Variants in RAD9B observed in about 807,000 individuals in gnomAD.
RAD9B encodes the protein cell cycle checkpoint control protein RAD9B.
In RAD9B, 41 loss-of-function variants were observed where a neutral mutation model predicts 48.3. The observed-to-expected ratio is 0.85, with a 90% confidence interval of 0.66 to 1.10. The LOEUF (loss-of-function observed/expected upper bound fraction) is 1.10. Ranked by LOEUF, RAD9B falls within the 50% of genes least tolerant of loss-of-function variation. The pLI is 0.00. For synonymous variants in RAD9B, 160 were observed against 157.9 expected, an observed-to-expected ratio of 1.01 and a Z score of -0.10; for missense variants, 444 against 485.1, an observed-to-expected ratio of 0.92 and a Z score of 0.80.
chr12:110,519,004 A>T, intron 8 of RAD9B, 66 bp downstream of exon 8: 1 of 1,103,740 alleles, frequency 9.1e-7, no homozygotes. Flanking sequence ...AACCTTTTGG[A>T]TCACTTTGAA....
chr12:110,505,423 G>C (rs1308113130), intron 2 of RAD9B, among the ~76,000 whole-genome samples, 194 bp from the exon 3 acceptor site: 1 of 152,026 alleles, frequency 6.6e-6, no homozygotes, highest in Non-Finnish European at 1.5e-5. Flanking sequence ...ATTATGTAAA[G>C]AAAGTTTATT....
intron 8 of RAD9B, among the ~76,000 whole-genome samples, chr12:110,519,352 C>G (rs1005986889): frequency 1.3e-5 from 2 of 152,154 alleles, no homozygotes; most frequent in African/African-American, 2.4e-5. Flanking sequence ...GATCCACCAG[C>G]CTCGGCCTCC....
At chr12:110,521,450 G>A (rs547967571) in intron 9 of RAD9B, among the ~76,000 whole-genome samples, 8 of 152,198 alleles carry the variant, frequency 5.3e-5, no homozygotes, top group East Asian at 1.9e-4. Flanking sequence ...CACTGCACCC[G>A]GCCTATCCTT....
Position 110,522,396 on chromosome 12 carries a change from T to C in RAD9B, c.1110T>C (p.Ser370=). 1 of 1,608,538 alleles carries C rather than the reference T, an allele frequency of 6.2e-7. No homozygotes were observed. The highest frequency in any genetic ancestry group is 8.5e-7 in the Non-Finnish European group (1 of 1,176,986). ...SVSNTEEVPG[S]LCLRKFSCMF... Reference sequence around the variant, plus strand: ...GCAACACAGAGGAAGTGCCAGGGTCTCTGTGTCTCAGAAAGGTAAAAGCAT... The same window carrying C: ...GCAACACAGAGGAAGTGCCAGGGTCCCTGTGTCTCAGAAAGGTAAAAGCAT... The change falls in exon 10 of 11, where the codon TCT becomes TCC. Residue 370 remains serine (S), a synonymous_variant. Coordinates refer to ENST00000409300, the MANE Select transcript of RAD9B (RefSeq NM_001286535.2).
chr12:110,521,949 T>C (rs1218030092), intron 9 of RAD9B, among the ~76,000 whole-genome samples: 1 of 152,156 alleles, frequency 6.6e-6, no homozygotes, highest in African/African-American at 2.4e-5. Context: ...TGTTACCATA[T>C]CACAAGATAT....
At chr12:110,513,963 AGTG>A in intron 5 of RAD9B, among the ~76,000 whole-genome samples, 1 of 151,916 alleles carries the variant, frequency 6.6e-6, no homozygotes, top group South Asian at 2.1e-4. Context: ...TCTGAGTTCA[AGTG>A]ATCCATCTGC....
chr12:110,520,627 T>G (rs1342982512), intron 9 of RAD9B, among the ~76,000 whole-genome samples: 6 of 84,690 alleles, frequency 7.1e-5, no homozygotes, highest in South Asian at 1.2e-3. Flanking sequence ...TTTCTTGCTT[T>G]CTTTTTTTTT....
intron 4 of RAD9B, among the ~76,000 whole-genome samples, chr12:110,509,920 C>A (rs1336752611): frequency 6.6e-6 from 1 of 152,094 alleles, no homozygotes; most frequent in African/African-American, 2.4e-5. Flanking sequence ...TGCATTTTGT[C>A]CCATGTGCAT....
chr12:110,521,183 G>T lies in RAD9B; in HGVS notation c.891-994G>T, dbSNP rs2063773837. Reference sequence around the variant, plus strand: ...TTTTAAAAAAATTTTTTGAGACAGGGTCTCACTCTGTCACCCAGGCTGGAG... The same window carrying T: ...TTTTAAAAAAATTTTTTGAGACAGGTTCTCACTCTGTCACCCAGGCTGGAG... On this transcript the variant is annotated intron_variant, in intron 9 of 10. Coordinates refer to ENST00000409300, the MANE Select transcript of RAD9B (RefSeq NM_001286535.2). 2.6e-5 allele frequency among the ~76,000 whole-genome samples: 4 copies of T among 151,704 alleles called. No individual in the cohort carries two copies. The South Asian group carries it at 8.3e-4, about 32-fold the overall frequency.
chr12:110,520,628 C>CTTTTTTTTTTT (rs71083129), intron 9 of RAD9B, among the ~76,000 whole-genome samples: 316 of 99,840 alleles, frequency 3.2e-3, no homozygotes, highest in African/African-American at 4.0e-3. Context: ...TTCTTGCTTT[C>CTTTTTTTTTTT]TTTTTTTTTT....
chr12:110,529,321 T>C lies in RAD9B; in HGVS notation c.1126-1204T>C, dbSNP rs529744123. On this transcript the variant is annotated intron_variant, in intron 10 of 10. Transcript: ENST00000409300. The stretch of plus-strand genomic sequence containing the variant: ...ACCATGCCCAGCTAATTTTTTGTAT[T>C]TTTAGTAGAGACGGGGTTTCACTAT... 2.0e-5 allele frequency among the ~76,000 whole-genome samples: 3 copies of C among 150,936 alleles called. No homozygotes were observed. In the East Asian group the frequency reaches 6.0e-4, roughly 30 times the overall value.
At chr12:110,518,848 G>A (rs571541046) in intron 7 of RAD9B, 26 bp from the exon 8 acceptor site, 2 of 1,580,536 alleles carry the variant, frequency 1.3e-6, no homozygotes, top group Non-Finnish European at 1.7e-6. Context: ...AGGATTTTAA[G>A]TTTTTTTCTT....
rs770160466 is a variant in RAD9B at position 110,519,682 on chromosome 12, C to T, written c.768-112C>T. ...AACTCGCAACCTCAGATGATCCACC[C>T]GCCTTGGCCTCCCCTGTTTCTTTTT... On this transcript the variant is annotated intron_variant, in intron 8 of 10. Transcript: ENST00000409300. 9.8e-5 allele frequency: 117 copies of T among 1,195,062 alleles called. 1 individual carries two copies. The South Asian group carries it at 1.4e-3, about 14-fold the overall frequency. 74.0% of individuals were successfully genotyped at this position (1,195,062 alleles called of 1,614,324 possible).
In RAD9B at chr12:110,531,003, G is replaced by A. The variant is rs2064121581; in HGVS notation, c.*350G>A. ...AAACTTTATTCAACAGCCATTTAGA[G>A]TGCCATCAAGATGGCTTGAAATGGA... On this transcript the variant is annotated 3_prime_UTR_variant, in exon 11 of 11. Coordinates refer to ENST00000409300, the MANE Select transcript of RAD9B (RefSeq NM_001286535.2). The A allele has an allele frequency of 6.9e-6, 7 of 1,014,260 alleles. No individual in the cohort carries two copies. The highest frequency in any genetic ancestry group is 4.9e-4 in the Middle Eastern group (1 of 2,054). 62.8% of individuals were successfully genotyped at this position (1,014,260 alleles called of 1,614,324 possible). A position where few individuals can be genotyped will look rare whatever the true frequency, so the allele number is the denominator to read the frequency against.
chr12:110,516,068 CAT>C (rs1376156561), intron 6 of RAD9B, among the ~76,000 whole-genome samples: 1 of 151,918 alleles, frequency 6.6e-6, no homozygotes, highest in Non-Finnish European at 1.5e-5. Flanking sequence ...CTTTACAAAA[CAT>C]AAGAAAAATA....
chr12:110,529,524 G>T (rs1349550370), intron 10 of RAD9B, among the ~76,000 whole-genome samples: 1 of 152,124 alleles, frequency 6.6e-6, no homozygotes. Flanking sequence ...GTGAAGGCAG[G>T]AGGATTGCTT....
chr12:110,504,250 C>G (rs2063193728), intron 2 of RAD9B, among the ~76,000 whole-genome samples: 1 of 151,578 alleles, frequency 6.6e-6, no homozygotes. Flanking sequence ...GGGTGGATCA[C>G]CTGAGGTCAG....
chr12:110,514,027 C>CCCTTCCTTCCTT (rs56718609), intron 5 of RAD9B, among the ~76,000 whole-genome samples: 5 of 150,614 alleles, frequency 3.3e-5, no homozygotes, highest in African/African-American at 7.3e-5. Flanking sequence ...CACATCTGGT[C>CCCTTCCTTCCTT]CCTTCCTTCC....
intron 4 of RAD9B, chr12:110,511,307 A>G (rs2063451346): frequency 5.4e-6 from 1 of 183,856 alleles, no homozygotes; most frequent in Admixed American, 5.9e-5. Context: ...CATTTATAAT[A>G]GCAAAGTTAC....
Sources: gnomAD v4.1 joint callset for allele counts (sites outside exome capture counted in the v4.1 genomes callset) on GRCh38, gnomAD v4.1.1 for gene constraint, MANE v1.5 for transcripts, NCBI Gene and HGNC (gene_info 2026-07-23, HGNC 2026-07-21) for gene names.